The following PIMREG variants were observed in gnomAD, a reference collection of about 807,000 sequenced individuals.
The protein encoded by PIMREG is PICALM interacting mitotic regulator.
In PIMREG, 19 loss-of-function variants were observed where a neutral mutation model predicts 24.3. The observed-to-expected ratio is 0.78, with a 90% confidence interval of 0.54 to 1.15. The LOEUF is 1.15. Among genes scored for constraint, PIMREG ranks in the 50% most tolerant of loss-of-function variants. PIMREG has a pLI of 0.00. For synonymous variants in PIMREG, 112 were observed against 124.1 expected (o/e 0.90, Z 0.65); for missense variants, 283 against 306.8 (o/e 0.92, Z 0.58).
intron 1 of PIMREG, 46 bp from the exon 2 acceptor site, chr17:6,445,030 G>C (rs774280997): frequency 1.8e-4 from 261 of 1,410,992 alleles, no homozygotes; most frequent in Non-Finnish European, 2.3e-4. Flanking sequence ...CCTGGGAATG[G>C]GTATGGGGAA....
intron 4 of PIMREG, 149 bp downstream of exon 4, chr17:6,449,556 C>A: frequency 9.7e-7 from 1 of 1,032,030 alleles, no homozygotes; most frequent in Non-Finnish European, 1.4e-6. Context: ...TCATCTCAAA[C>A]ATGAGAAAGG....
In PIMREG at chr17:6,450,492, GC is replaced by G. The variant is rs1913789054; in HGVS notation, c.*148del. On this transcript the variant is annotated 3_prime_UTR_variant, in exon 6 of 6. Transcript: ENST00000572447. ...ACTGCTAACAAGCACCTAACAAGGGGCCCAGAGCCCCCTGCTCCAGCCACAT... is the reference window on the plus strand; with the variant it reads ...ACTGCTAACAAGCACCTAACAAGGGGCCAGAGCCCCCTGCTCCAGCCACAT... The G allele has an allele frequency of 2.4e-6, 3 of 1,263,926 alleles. No homozygotes were observed. The highest frequency in any genetic ancestry group is 2.1e-5 in the Admixed American group (1 of 46,512). 78.3% of individuals were successfully genotyped at this position (1,263,926 alleles called of 1,614,324 possible).
Position 6,450,438 on chromosome 17 carries a change from C to T in PIMREG, c.*91C>T. 5.1e-6 allele frequency: 8 copies of T among 1,562,408 alleles called. No individual in the cohort carries two copies. The highest frequency in any genetic ancestry group is 2.3e-5 in the South Asian group (2 of 85,998). The stretch of plus-strand genomic sequence containing the variant: ...TTCCCCGTGAGCTTCCTGGAAAAAA[C>T]CCCCGGGAGTCGTCAGTACCCCTGG... On this transcript the variant is annotated 3_prime_UTR_variant, in exon 6 of 6. Coordinates refer to ENST00000572447, the MANE Select transcript of PIMREG (RefSeq NM_019013.3).
At chr17:6,449,579 A>G (rs2150706563) in intron 4 of PIMREG, 172 bp downstream of exon 4, 1 of 1,059,628 alleles carries the variant, frequency 9.4e-7, no homozygotes, top group East Asian at 2.7e-5. Flanking sequence ...AAAATCCTGG[A>G]CTGGGGTGAT....
At chr17:6,446,865 G>A (rs1913591232) in intron 2 of PIMREG, among the ~76,000 whole-genome samples, 1 of 152,148 alleles carries the variant, frequency 6.6e-6, no homozygotes, top group Non-Finnish European at 1.5e-5. Context: ...CGTCTGTCTG[G>A]AAAGAGAGTT....
chr17:6,446,152 G>A (rs1369496688), intron 2 of PIMREG: 5 of 400,548 alleles, frequency 1.2e-5, no homozygotes, highest in East Asian at 3.6e-5. Context: ...GCTGTCAAAT[G>A]AGAGCTGCTG....
At chr17:6,446,156 G>A (rs1299594129) in intron 2 of PIMREG, 1 of 400,516 alleles carries the variant, frequency 2.5e-6, no homozygotes, top group Non-Finnish European at 4.4e-6. Flanking sequence ...TCAAATGAGA[G>A]CTGCTGTCAG....
chr17:6,445,719 G>A (rs544309391), intron 2 of PIMREG, among the ~76,000 whole-genome samples: 5 of 152,186 alleles, frequency 3.3e-5, no homozygotes, highest in African/African-American at 4.8e-5. Context: ...AGTCGGTGAA[G>A]GCTTCCCAGA....
intron 3 of PIMREG, among the ~76,000 whole-genome samples, chr17:6,448,634 G>A (rs1299615343): frequency 1.3e-5 from 2 of 152,188 alleles, no homozygotes; most frequent in East Asian, 1.9e-4. Flanking sequence ...CTGCCCCACC[G>A]ATCAAGCTGG....
Position 6,447,706 on chromosome 17 carries a change from G to GA in PIMREG, c.539dup (p.Ala181GlyfsTer20). 1 of 1,613,892 alleles carries GA rather than the reference G, an allele frequency of 6.2e-7. No homozygotes were observed. The highest frequency in any genetic ancestry group is 1.1e-5 in the South Asian group (1 of 91,070). On this transcript the variant is annotated frameshift_variant, in exon 3 of 6. Transcript: ENST00000572447. LOFTEE classifies it high-confidence loss of function. ...CCACCCATTACGGCGATCAAGGCGG[G>GA]AGGCTGCCTTCCGGAGCCCCTACTC...
chr17:6,447,756 C>T lies in PIMREG; in HGVS notation c.588C>T (p.Pro196=), dbSNP rs533450254. The change falls in exon 3 of 6, where the codon CCC becomes CCT. Residue 196 remains proline (P), a splice_region_variant and synonymous_variant. Transcript: ENST00000572447. ...CCTCAACAGAGCCCCTCTGCTCTCC[C>T]AGGCAAGTGGGATAGTGCTTCACCC... The part of the protein sequence containing the change: ...PYSSTEPLCS[P]SESDSDLEPV... 1.9e-6 allele frequency: 3 copies of T among 1,598,130 alleles called. No individual in the cohort carries two copies. In the African/African-American group the frequency reaches 4.0e-5, roughly 21 times the overall value.
intron 5 of PIMREG, 106 bp downstream of exon 5, chr17:6,450,178 G>T: frequency 7.7e-7 from 1 of 1,296,712 alleles, no homozygotes; most frequent in South Asian, 1.2e-5. Context: ...AGCAGAGTAG[G>T]TAGTACCTAC....
At position 6,445,053 on chromosome 17, in the gene PIMREG, C is replaced by A. The variant is rs940699847; in HGVS notation, c.-35-23C>A. On this transcript the variant is annotated intron_variant, in intron 1 of 5. Transcript: ENST00000572447. Reference sequence around the variant, plus strand: ...TGGGTATGGGGAATGCCTTGCTGATCTGCCTTTCGCCCTCCTCCCCAGGGT... The same window carrying A: ...TGGGTATGGGGAATGCCTTGCTGATATGCCTTTCGCCCTCCTCCCCAGGGT... 84 of 1,480,272 alleles carry A rather than the reference C, an allele frequency of 5.7e-5. No homozygotes were observed. The African/African-American group carries it at 1.0e-3, about 18-fold the overall frequency. The allele number at this position is 1,480,272 out of a possible 1,614,324, so 91.7% of individuals were successfully genotyped here.
rs767498929 is a variant in PIMREG, at chr17:6,445,214, A to G, written c.104A>G (p.His35Arg). 4 of 1,613,828 alleles carry G rather than the reference A, an allele frequency of 2.5e-6. No homozygotes were observed. The highest frequency in any genetic ancestry group is 3.4e-6 in the Non-Finnish European group (4 of 1,179,974). The stretch of plus-strand genomic sequence containing the variant: ...AAGGAGCTGCAGCCTGTGGTCAGCC[A>G]TCAGGAGACCTCTGTAGGGGCCCTG... Reference protein sequence around the residue: ...DSKELQPVVSHQETSVGALGS... With the variant: ...DSKELQPVVSRQETSVGALGS... The change falls in exon 2 of 6, where the codon CAT becomes CGT. Residue 35 changes from histidine to arginine, a missense_variant. Coordinates refer to ENST00000572447, the MANE Select transcript of PIMREG (RefSeq NM_019013.3).
At chr17:6,445,530 G>A (rs1913540395) in intron 2 of PIMREG, 126 bp downstream of exon 2, 2 of 969,550 alleles carry the variant, frequency 2.1e-6, no homozygotes, top group South Asian at 3.6e-5. Context: ...GTTCACTGCT[G>A]TTTCCCCACC....
chr17:6,447,598 T>G lies in PIMREG; in HGVS notation c.430T>G (p.Ser144Ala), dbSNP rs1229316265. ...CCTGAGCCAGAAGAGCACCCGGCTGTCTGGAGCCGCCCCTGCCCACTCAGC... is the reference window on the plus strand; with the variant it reads ...CCTGAGCCAGAAGAGCACCCGGCTGGCTGGAGCCGCCCCTGCCCACTCAGC... Reference protein sequence around the residue: ...HSLSQKSTRLSGAAPAHSAAD... With the variant: ...HSLSQKSTRLAGAAPAHSAAD... Residue 144 changes from serine to alanine, a missense_variant, in exon 3 of 6, where the codon TCT (serine) becomes GCT (alanine). Ser to Ala is a moderately conservative substitution (Grantham distance 99). Coordinates refer to ENST00000572447, the MANE Select transcript of PIMREG (RefSeq NM_019013.3). 1 of 1,614,006 alleles carries G rather than the reference T, an allele frequency of 6.2e-7. No homozygotes were observed. Among genetic ancestry groups the G allele is most frequent in the East Asian group, 2.2e-5 (1 of 44,874 alleles).
At chr17:6,448,545 A>G (rs969396013) in intron 3 of PIMREG, among the ~76,000 whole-genome samples, 2 of 152,094 alleles carry the variant, frequency 1.3e-5, no homozygotes, top group Non-Finnish European at 2.9e-5. Flanking sequence ...GGAGGTCCGG[A>G]GGGGTTTGGT....
chr17:6,445,464 C>T (rs573317958), intron 2 of PIMREG, 60 bp downstream of exon 2: 1 of 1,518,092 alleles, frequency 6.6e-7, no homozygotes, highest in African/African-American at 1.4e-5. Flanking sequence ...CCAGGCAGTT[C>T]CTGCCCTCAA....
chr17:6,445,167 C>G lies in PIMREG; in HGVS notation c.57C>G (p.His19Gln). Residue 19 changes from histidine (H) to glutamine (Q), a missense_variant, in exon 2 of 6, where the codon CAC (histidine) becomes CAG (glutamine). Transcript: ENST00000572447. The part of the protein sequence containing the change: ...GTSVRRRSLQ[H>Q]QEQLEDSKEL... The stretch of plus-strand genomic sequence containing the variant: ...CCGTGCGCCGGAGATCTCTCCAGCA[C>G]CAGGAGCAGCTGGAGGACAGCAAGG... The G allele has an allele frequency of 6.2e-7, 1 of 1,613,508 alleles. No homozygotes were observed. The highest frequency in any genetic ancestry group is 8.5e-7 in the Non-Finnish European group (1 of 1,179,780).
Sources: gnomAD v4.1 joint callset for allele counts (sites outside exome capture counted in the v4.1 genomes callset) on GRCh38, gnomAD v4.1.1 for gene constraint, MANE v1.5 for transcripts, NCBI Gene and HGNC (gene_info 2026-07-23, HGNC 2026-07-21) for gene names.